ADAMTSL1: variants seen among roughly 807,000 people sequenced by gnomAD.
ADAMTSL1 encodes ADAMTS like 1.
ADAMTSL1 carries 126 observed loss-of-function variants against 201.8 expected under a neutral mutation model. The observed-to-expected ratio is 0.62, with a 90% CI of 0.54 to 0.72. ADAMTSL1 has a LOEUF of 0.72. Ranked by LOEUF, ADAMTSL1 falls within the 30% of genes least tolerant of loss-of-function variation. The pLI is 0.00. For synonymous variants in ADAMTSL1, 1,121 were observed against 903.4 expected (o/e 1.24, Z -4.32); for missense variants, 2,679 against 2,277.8 (o/e 1.18, Z -3.59).
intron 2 of ADAMTSL1, among the ~76,000 whole-genome samples, chr9:18,268,911 T>C (rs1057019576): frequency 2.6e-5 from 4 of 152,150 alleles, no homozygotes; most frequent in Admixed American, 6.6e-5. Flanking sequence ...AAAATGAACA[T>C]GTATATCTCA....
rs146275221 is a variant in ADAMTSL1 at position 18,743,974 on chromosome 9, G to A, written c.2007-9324G>A. On this transcript the variant is annotated intron_variant, in intron 15 of 28. Coordinates refer to ENST00000380548, the MANE Select transcript of ADAMTSL1 (RefSeq NM_001040272.6). ...CACTCCTCCAGTCCTTAGAGACTGA[G>A]CAGGGTAGAGGAGTAACCCAAGTGC... 3.0e-4 allele frequency among the ~76,000 whole-genome samples: 46 copies of A among 152,292 alleles called. 1 individual carries two copies. The highest frequency in any genetic ancestry group is 8.7e-4 in the African/African-American group (36 of 41,562).
intron 14 of ADAMTSL1, among the ~76,000 whole-genome samples, chr9:18,707,346 A>T (rs1005039442): frequency 3.9e-5 from 6 of 152,188 alleles, no homozygotes; most frequent in African/African-American, 1.2e-4. Flanking sequence ...AACACAGTTG[A>T]CACTGACCTG....
intron 1 of ADAMTSL1, among the ~76,000 whole-genome samples, chr9:18,088,421 T>G (rs565800281): frequency 6.6e-6 from 1 of 152,280 alleles, no homozygotes; most frequent in South Asian, 2.1e-4. Flanking sequence ...TGAAGAGCTT[T>G]TAGACAGCAA....
At position 17,952,411 on chromosome 9, in the gene ADAMTSL1, C is replaced by T. The variant is rs939247770; in HGVS notation, c.87+45489C>T. 2.0e-5 allele frequency among the ~76,000 whole-genome samples: 3 copies of T among 151,980 alleles called. No individual in the cohort carries two copies. The South Asian group carries it at 6.2e-4, about 32-fold the overall frequency. On this transcript the variant is annotated intron_variant, in intron 1 of 29. Transcript: ENST00000680146. ...TTTTTGTTTACATCTAGTTGATTTT[C>T]TTATTATGGAAAATTTAGTTATTCC...
At chr9:18,296,600 A>G (rs1264564031) in intron 2 of ADAMTSL1, among the ~76,000 whole-genome samples, 1 of 152,198 alleles carries the variant, frequency 6.6e-6, no homozygotes, top group Non-Finnish European at 1.5e-5. Context: ...ACTTTTCTAT[A>G]TGTTTGAAGT....
intron 2 of ADAMTSL1, among the ~76,000 whole-genome samples, chr9:18,238,751 A>C (rs1257383523): frequency 6.6e-6 from 1 of 152,232 alleles, no homozygotes; most frequent in Non-Finnish European, 1.5e-5. Context: ...AAGTGATGTT[A>C]TGATTTATGA....
intron 1 of ADAMTSL1, among the ~76,000 whole-genome samples, chr9:18,121,738 G>A (rs184194887): frequency 7.2e-4 from 109 of 152,290 alleles, no homozygotes; most frequent in African/African-American, 2.6e-3. Context: ...TATGAGGAAA[G>A]AGAAATTAAA....
intron 1 of ADAMTSL1, among the ~76,000 whole-genome samples, chr9:17,977,945 C>T (rs952533872): frequency 2.0e-5 from 3 of 151,918 alleles, no homozygotes; most frequent in Non-Finnish European, 4.4e-5. Context: ...GCTATTTCCC[C>T]CTTGAGTTCT....
At chr9:18,807,645 C>CAGAA (rs1823237650) in intron 20 of ADAMTSL1, among the ~76,000 whole-genome samples, 1 of 68,590 alleles carries the variant, frequency 1.5e-5, no homozygotes, top group African/African-American at 4.8e-5. Flanking sequence ...GACTCTGTCT[C>CAGAA]AAAAAAAAAA....
intron 2 of ADAMTSL1, among the ~76,000 whole-genome samples, chr9:18,320,813 G>A (rs975957950): frequency 2.6e-5 from 4 of 152,080 alleles, no homozygotes; most frequent in African/African-American, 7.2e-5. Flanking sequence ...GTGTATGTGT[G>A]TAGTAATATC....
chr9:18,196,831 A>G (rs1288963786), intron 2 of ADAMTSL1, among the ~76,000 whole-genome samples: 1 of 151,924 alleles, frequency 6.6e-6, no homozygotes, highest in Admixed American at 6.6e-5. Flanking sequence ...CTCAGCCTGA[A>G]TTGCTCTCTA....
chr9:18,749,592 G>A (rs1405817783), intron 15 of ADAMTSL1, among the ~76,000 whole-genome samples: 2 of 152,122 alleles, frequency 1.3e-5, no homozygotes, highest in African/African-American at 4.8e-5. Context: ...CCCCAGGCCG[G>A]CTCTGCCTGG....
Position 17,979,586 on chromosome 9 carries a change from C to T in ADAMTSL1, c.87+72664C>T, listed in dbSNP as rs1158368157. ...GTCATGTTTTTTTCATGTATTGGTACTGAACTTTCTTAAGACAGTGACTTT... is the reference window on the plus strand; with the variant it reads ...GTCATGTTTTTTTCATGTATTGGTATTGAACTTTCTTAAGACAGTGACTTT... On this transcript the variant is annotated intron_variant, in intron 1 of 29. Transcript: ENST00000680146. 1.3e-5 allele frequency among the ~76,000 whole-genome samples: 2 copies of T among 150,860 alleles called. 1 individual carries two copies. The highest frequency in any genetic ancestry group is 4.9e-5 in the African/African-American group (2 of 41,030).
At chr9:18,680,606 C>T in intron 11 of ADAMTSL1, 90 bp downstream of exon 11, 1 of 1,423,672 alleles carries the variant, frequency 7.0e-7, no homozygotes, top group Non-Finnish European at 9.8e-7. Context: ...CTGAGCAGCT[C>T]CACACTCTTC....
At chr9:18,377,727 C>T (rs10963589) in intron 2 of ADAMTSL1, among the ~76,000 whole-genome samples, 157 of 152,050 alleles carry the variant, frequency 1.0e-3, no homozygotes, top group Middle Eastern at 6.8e-3. Context: ...CCACCACGCC[C>T]GGTTAATTTT....
At chr9:18,111,952 G>C (rs1009080613) in intron 1 of ADAMTSL1, among the ~76,000 whole-genome samples, 6 of 152,130 alleles carry the variant, frequency 3.9e-5, no homozygotes, top group African/African-American at 1.4e-4. Flanking sequence ...AGTTTTATAT[G>C]TGATAATTCA....
At chr9:17,948,268 A>G (rs1056111060) in intron 1 of ADAMTSL1, among the ~76,000 whole-genome samples, 8 of 152,192 alleles carry the variant, frequency 5.3e-5, no homozygotes, top group Middle Eastern at 3.2e-3. Context: ...TCCTCTCTGC[A>G]TGTTCTTCAG....
At chr9:18,059,409 T>C (rs889006656) in intron 1 of ADAMTSL1, among the ~76,000 whole-genome samples, 1 of 152,214 alleles carries the variant, frequency 6.6e-6, no homozygotes, top group African/African-American at 2.4e-5. Flanking sequence ...AATATTGGAA[T>C]GTGTATAAAA....
At chr9:18,414,953 T>C (rs1195030962) in intron 2 of ADAMTSL1, among the ~76,000 whole-genome samples, 1 of 152,164 alleles carries the variant, frequency 6.6e-6, no homozygotes, top group Non-Finnish European at 1.5e-5. Context: ...GGGTTTAGGG[T>C]AGACTGCTAG....
Sources: allele counts gnomAD v4.1 joint callset (sites outside exome capture counted in the v4.1 genomes callset), GRCh38; gene constraint gnomAD v4.1.1; transcripts MANE v1.5; gene names NCBI Gene and HGNC (gene_info 2026-07-23, HGNC 2026-07-21).